The following OPRD1 variants were observed in gnomAD, a reference collection of about 807,000 sequenced individuals.
OPRD1 encodes the protein delta-type opioid receptor.
OPRD1 carries 19 observed loss-of-function variants against 17.5 expected under a neutral mutation model. The ratio of observed to expected loss-of-function variants is 1.09; its 90% CI spans 0.76 to 1.60. OPRD1 has a LOEUF of 1.60. Among genes scored for constraint, OPRD1 ranks in the 40% most tolerant of loss-of-function variants. OPRD1 has a pLI of 0.00. For missense variants in OPRD1, 483 were observed against 547.2 expected (o/e 0.88, Z 1.17); for synonymous variants, 256 against 240.9 (o/e 1.06, Z -0.58).
intron 1 of OPRD1, among the ~76,000 whole-genome samples, chr1:28,844,110 A>C (rs542991): frequency 0.69 from 104,191 of 151,430 alleles, 38,457 homozygotes; most frequent in East Asian, 1. Flanking sequence ...ACATTTCCAA[A>C]AACGGTACAC....
chr1:28,862,526 A>G (rs912389526), intron 2 of OPRD1, among the ~76,000 whole-genome samples: 2 of 152,230 alleles, frequency 1.3e-5, no homozygotes, highest in African/African-American at 4.8e-5. Context: ...GACCTCCCTG[A>G]TGAGGGCCAA....
At chr1:28,846,846 T>TTTCC (rs769212543) in intron 1 of OPRD1, among the ~76,000 whole-genome samples, 11 of 76,912 alleles carry the variant, frequency 1.4e-4, no homozygotes. Flanking sequence ...TCTTTCTTTC[T>TTTCC]TTTCTTTCTT....
chr1:28,819,457 C>T (rs1043411086), intron 1 of OPRD1, among the ~76,000 whole-genome samples: 1 of 152,128 alleles, frequency 6.6e-6, no homozygotes, highest in Non-Finnish European at 1.5e-5. Context: ...GTGTGTGTGA[C>T]TTACAGACGC....
chr1:28,860,855 G>A (rs1363603340), intron 2 of OPRD1, among the ~76,000 whole-genome samples: 1 of 152,162 alleles, frequency 6.6e-6, no homozygotes, highest in Non-Finnish European at 1.5e-5. Context: ...CCTCACAAGG[G>A]CAGAGTCCCT....
chr1:28,870,908 G>C lies in OPRD1; in HGVS notation c.*7625G>C, dbSNP rs541080976. 3 of 152,308 alleles carry C rather than the reference G, an allele frequency of 2.0e-5. No homozygotes were observed. The highest frequency in any genetic ancestry group is 4.4e-5 in the Non-Finnish European group (3 of 68,096). 9.4% of individuals were successfully genotyped at this position (152,308 alleles called of 1,614,324 possible). A position where few individuals can be genotyped will look rare whatever the true frequency, so the allele number is the denominator to read the frequency against. On this transcript the variant is annotated 3_prime_UTR_variant, in exon 3 of 3. Coordinates refer to ENST00000234961, the MANE Select transcript of OPRD1 (RefSeq NM_000911.4). ...AATCTTCATTGTCCACTTCATTGCT[G>C]TGGTGTTGGGCAGGTCTCTGTCCCT...
chr1:28,816,474 G>A (rs1273644136), intron 1 of OPRD1, among the ~76,000 whole-genome samples: 1 of 152,164 alleles, frequency 6.6e-6, no homozygotes, highest in Non-Finnish European at 1.5e-5. Flanking sequence ...AGAATTCCAG[G>A]TCAGAAGCAT....
intron 1 of OPRD1, among the ~76,000 whole-genome samples, chr1:28,815,546 T>G (rs989634622): frequency 3.3e-5 from 5 of 152,294 alleles, no homozygotes; most frequent in Admixed American, 6.5e-5. Flanking sequence ...CCTTCCCCAG[T>G]GAACAGTGAA....
At chr1:28,853,627 A>G (rs1053906739) in intron 1 of OPRD1, among the ~76,000 whole-genome samples, 6 of 152,242 alleles carry the variant, frequency 3.9e-5, no homozygotes, top group African/African-American at 1.4e-4. Context: ...CCCCTGGGGA[A>G]CAGGACAGAG....
intron 1 of OPRD1, among the ~76,000 whole-genome samples, chr1:28,825,067 CT>C (rs1288878481): frequency 6.6e-6 from 1 of 151,676 alleles, no homozygotes; most frequent in African/African-American, 2.4e-5. Context: ...ATCTCCTGAC[CT>C]TGTGATCCAC....
rs1333869740 is a variant in OPRD1 at position 28,863,524 on chromosome 1, G to T, written c.*241G>T. On this transcript the variant is annotated 3_prime_UTR_variant, in exon 3 of 3. Transcript: ENST00000234961. ...GCAGTGCCTCTGGTCTGGGTGCCCC[G>T]TCCACGGCTCTAGGTGGGGCGGGAA... 23 of 457,808 alleles carry T rather than the reference G, an allele frequency of 5.0e-5. No homozygotes were observed. The highest frequency in any genetic ancestry group is 8.3e-5 in the African/African-American group (4 of 48,394). 28.4% of individuals were successfully genotyped at this position (457,808 alleles called of 1,614,324 possible).
At chr1:28,831,715 A>G (rs2088810106) in intron 1 of OPRD1, among the ~76,000 whole-genome samples, 1 of 151,286 alleles carries the variant, frequency 6.6e-6, no homozygotes. Flanking sequence ...TAATTTTTTT[A>G]TTTGTAGAGA....
chr1:28,849,333 C>T (rs1038067810), intron 1 of OPRD1, among the ~76,000 whole-genome samples: 4 of 152,014 alleles, frequency 2.6e-5, no homozygotes, highest in South Asian at 2.1e-4. Flanking sequence ...GTATGCAACC[C>T]GGGTGAGAGA....
At chr1:28,844,322 AC>A (rs1325265124) in intron 1 of OPRD1, among the ~76,000 whole-genome samples, 1 of 152,074 alleles carries the variant, frequency 6.6e-6, no homozygotes, top group Non-Finnish European at 1.5e-5. Context: ...ACAGGGTCTC[AC>A]TTTGTCGTTC....
intron 1 of OPRD1, among the ~76,000 whole-genome samples, chr1:28,847,929 C>CA (rs1442840984): frequency 2.6e-5 from 4 of 151,224 alleles, no homozygotes; most frequent in East Asian, 1.9e-4. Context: ...AAGCCAAAAA[C>CA]AAAAAACAAA....
At chr1:28,842,691 A>G (rs1432543127) in intron 1 of OPRD1, among the ~76,000 whole-genome samples, 2 of 152,334 alleles carry the variant, frequency 1.3e-5, no homozygotes, top group East Asian at 1.9e-4. Context: ...TCACAAAGGT[A>G]TCTCACGGTC....
chr1:28,849,836 G>A (rs1042038268), intron 1 of OPRD1, among the ~76,000 whole-genome samples: 12 of 147,880 alleles, frequency 8.1e-5, no homozygotes, highest in Admixed American at 4.7e-4. Context: ...AACAAGAGAA[G>A]AAGAAAGGGC....
At chr1:28,855,070 A>G (rs2089044220) in intron 1 of OPRD1, among the ~76,000 whole-genome samples, 1 of 152,192 alleles carries the variant, frequency 6.6e-6, no homozygotes, top group East Asian at 1.9e-4. Flanking sequence ...TGGGCAGAAA[A>G]GAAGATGAAT....
At chr1:28,842,139 C>G (rs534038327) in intron 1 of OPRD1, among the ~76,000 whole-genome samples, 2 of 152,246 alleles carry the variant, frequency 1.3e-5, no homozygotes, top group South Asian at 4.1e-4. Flanking sequence ...AAGCGATCCT[C>G]CCACCTCAGC....
chr1:28,857,531 C>T (rs573206480), intron 1 of OPRD1, among the ~76,000 whole-genome samples: 3 of 152,282 alleles, frequency 2.0e-5, no homozygotes, highest in East Asian at 1.9e-4. Context: ...TACAGTGGTA[C>T]GATCTTGGCT....
Sources: allele counts gnomAD v4.1 joint callset (sites outside exome capture counted in the v4.1 genomes callset), GRCh38; gene constraint gnomAD v4.1.1; transcripts MANE v1.5; gene names NCBI Gene and HGNC (gene_info 2026-07-23, HGNC 2026-07-21).